Variants in KLF15 observed in about 807,000 individuals in gnomAD.
KLF15 encodes Krueppel-like factor 15.
A neutral mutation model predicts 24.6 loss-of-function variants in KLF15; 4 were observed. The observed-to-expected ratio is 0.16, with a 90% confidence interval of 0.08 to 0.37. The LOEUF (loss-of-function observed/expected upper bound fraction) is 0.37, where lower values mean the gene tolerates loss of function less well. Ranked by LOEUF, KLF15 falls within the 10% of genes least tolerant of loss-of-function variation. The pLI, the probability that KLF15 is intolerant of heterozygous loss-of-function variation, is 1.00. For missense variants in KLF15, 496 were observed against 560.6 expected (o/e 0.88, Z 1.16); for synonymous variants, 246 against 236.3 (o/e 1.04, Z -0.37).
chr3:126,296,057 A>T, the KLF15 span, among the ~76,000 whole-genome samples: 1 of 152,220 alleles, frequency 6.6e-6, no homozygotes, highest in African/African-American at 2.4e-5. Context: ...AATGGTCCTG[A>T]ATAAAGCCTA....
chr3:126,352,516 G>C lies in KLF15; in HGVS notation c.407C>G (p.Pro136Arg). 1 of 1,613,158 alleles carries C rather than the reference G, an allele frequency of 6.2e-7. No homozygotes were observed. The highest frequency in any genetic ancestry group is 8.5e-7 in the Non-Finnish European group (1 of 1,180,024). The change falls in exon 2 of 3, where the codon CCC (proline) becomes CGC (arginine). Residue 136 changes from proline to arginine, a missense_variant. Pro to Arg is a moderately radical substitution (Grantham distance 103). This residue lies in a region of KLF15 where 399 missense variants were observed against 423.1 expected (regional missense o/e 0.94). Coordinates refer to ENST00000296233, the MANE Select transcript of KLF15 (RefSeq NM_014079.4). ...AATCTCCTCCAGGGTAGGCTGGAAG[G>C]GCCGTGGGACGTCATCAGGATCACC... is the stretch of plus-strand genomic sequence containing the variant. ...PLGDPDDVPR[P>R]FQPTLEEIEE...
At chr3:126,292,341 G>A in the KLF15 span, among the ~76,000 whole-genome samples, 1 of 152,136 alleles carries the variant, frequency 6.6e-6, no homozygotes, top group Non-Finnish European at 1.5e-5. Context: ...CAGCCACAGG[G>A]CCAACAGTTT....
downstream of KLF15, among the ~76,000 whole-genome samples, chr3:126,338,782 G>T (rs9819874): frequency 6.6e-6 from 1 of 152,136 alleles, no homozygotes; most frequent in African/African-American, 2.4e-5. Flanking sequence ...CACCTGCTGC[G>T]CACTCCCTTC....
chr3:126,330,492 G>A, the KLF15 span, among the ~76,000 whole-genome samples: 1 of 151,934 alleles, frequency 6.6e-6, no homozygotes, highest in African/African-American at 2.4e-5. Context: ...TACATCATAT[G>A]CGATAAAAGT....
chr3:126,315,524 G>A, the KLF15 span, among the ~76,000 whole-genome samples: 1 of 152,104 alleles, frequency 6.6e-6, no homozygotes, highest in Non-Finnish European at 1.5e-5. Context: ...GGGATCCTGG[G>A]CTCCCTACAC....
the KLF15 span, among the ~76,000 whole-genome samples, chr3:126,315,139 G>T: frequency 0.028 from 4,196 of 152,174 alleles, 75 homozygotes; most frequent in Non-Finnish European, 0.043. Flanking sequence ...ACCACTTGGG[G>T]TTCCCCCATG....
At chr3:126,329,364 G>A in the KLF15 span, among the ~76,000 whole-genome samples, 17 of 152,258 alleles carry the variant, frequency 1.1e-4, no homozygotes, top group African/African-American at 4.1e-4. Context: ...TGTGCCTGGA[G>A]TCCCAGCTAC....
downstream of KLF15, among the ~76,000 whole-genome samples, chr3:126,338,646 A>C (rs1441623254): frequency 6.6e-6 from 1 of 152,062 alleles, no homozygotes; most frequent in Admixed American, 6.6e-5. Context: ...CACATCGCAA[A>C]TTTCTTCTCT....
At chr3:126,297,909 T>C in the KLF15 span, among the ~76,000 whole-genome samples, 1 of 152,238 alleles carries the variant, frequency 6.6e-6, no homozygotes, top group African/African-American at 2.4e-5. Context: ...GCTATAAACA[T>C]GCGTGTGCAA....
the KLF15 span, among the ~76,000 whole-genome samples, chr3:126,315,559 G>T: frequency 6.6e-6 from 1 of 152,172 alleles, no homozygotes; most frequent in African/African-American, 2.4e-5. Flanking sequence ...AAGTCAGGGG[G>T]GACAGGAGGA....
chr3:126,320,568 A>T, the KLF15 span, among the ~76,000 whole-genome samples: 1 of 152,252 alleles, frequency 6.6e-6, no homozygotes, highest in Non-Finnish European at 1.5e-5. Context: ...ACACATGTAC[A>T]CAAGTATTGC....
chr3:126,307,586 G>A, the KLF15 span, among the ~76,000 whole-genome samples: 4 of 152,208 alleles, frequency 2.6e-5, no homozygotes, highest in South Asian at 2.1e-4. Flanking sequence ...TCTCACTGCT[G>A]TGTGGGAGAC....
chr3:126,309,927 T>C, the KLF15 span, among the ~76,000 whole-genome samples: 1 of 152,230 alleles, frequency 6.6e-6, no homozygotes, highest in Non-Finnish European at 1.5e-5. Flanking sequence ...CAACGTGGTA[T>C]GGGACTATAA....
chr3:126,350,011 T>C (rs1190601453), intron 2 of KLF15, among the ~76,000 whole-genome samples: 1 of 152,192 alleles, frequency 6.6e-6, no homozygotes, highest in Non-Finnish European at 1.5e-5. Flanking sequence ...TGCCCTGGGC[T>C]GCAAAGGGCT....
At chr3:126,313,173 C>G in the KLF15 span, among the ~76,000 whole-genome samples, 1 of 152,100 alleles carries the variant, frequency 6.6e-6, no homozygotes, top group Admixed American at 6.6e-5. Context: ...CAAAGAGACC[C>G]CAGAGATGCA....
At chr3:126,298,259 T>G in the KLF15 span, among the ~76,000 whole-genome samples, 1 of 151,870 alleles carries the variant, frequency 6.6e-6, no homozygotes, top group African/African-American at 2.4e-5. Context: ...TTTTGCAAAT[T>G]TTCTATTCAT....
intron 2 of KLF15, 33 bp from the exon 3 acceptor site, chr3:126,343,928 C>A: frequency 6.6e-7 from 1 of 1,504,998 alleles, no homozygotes; most frequent in South Asian, 1.3e-5. Context: ...CGAGGCCTGG[C>A]CCTGCCTGCC....
chr3:126,331,525 A>G, the KLF15 span, among the ~76,000 whole-genome samples: 6 of 152,182 alleles, frequency 3.9e-5, no homozygotes. Flanking sequence ...GAATGTGTTC[A>G]CCCTCCAAAA....
chr3:126,345,543 C>T (rs2082528608), intron 2 of KLF15, among the ~76,000 whole-genome samples: 1 of 132,298 alleles, frequency 7.6e-6, no homozygotes, highest in Admixed American at 7.4e-5. Flanking sequence ...GAATATGTGC[C>T]CACACATACT....
Sources: allele counts gnomAD v4.1 joint callset (sites outside exome capture counted in the v4.1 genomes callset), GRCh38; gene constraint gnomAD v4.1.1; regional missense constraint gnomAD v4.1.1; transcripts MANE v1.5; gene names NCBI Gene and HGNC (gene_info 2026-07-23, HGNC 2026-07-21).